ARMH3: variants seen among roughly 807,000 people sequenced by gnomAD.
The protein encoded by ARMH3 is armadillo-like helical domain-containing protein 3.
Under a neutral mutation model 99.1 loss-of-function variants are expected in ARMH3, and 60 were observed. The observed-to-expected ratio is 0.61, with a 90% CI of 0.49 to 0.75. The LOEUF (loss-of-function observed/expected upper bound fraction) is 0.75. Ranked by LOEUF, ARMH3 falls within the 30% of genes least tolerant of loss-of-function variation. The probability of loss-of-function intolerance (pLI) is 0.00; values close to 1 mark genes in which losing one functional copy is unlikely to be tolerated. For missense variants in ARMH3, 679 were observed against 843.1 expected (o/e 0.81, Z 2.41); for synonymous variants, 285 against 292.8 (o/e 0.97, Z 0.27).
chr10:102,033,361 A>G (rs750455841), intron 2 of ARMH3, 22 bp from the exon 3 acceptor site: 30 of 1,610,568 alleles, frequency 1.9e-5, no homozygotes, highest in Non-Finnish European at 2.5e-5. Flanking sequence ...ATATAAGCAC[A>G]TTCAGCCTTC....
chr10:102,010,416 CTT>C (rs2066606121), intron 11 of ARMH3, among the ~76,000 whole-genome samples: 1 of 152,214 alleles, frequency 6.6e-6, no homozygotes, highest in Non-Finnish European at 1.5e-5. Context: ...CAGAAACTAA[CTT>C]AGGAAAAACT....
At chr10:101,975,424 A>G in intron 19 of ARMH3, 124 bp from the exon 20 acceptor site, 1 of 603,742 alleles carries the variant, frequency 1.7e-6, no homozygotes, top group South Asian at 1.8e-5. Flanking sequence ...ATATGTATAC[A>G]TGCAAAAAAA....
At chr10:101,861,877 CAAAAAAAAAAA>C (rs36095929) in intron 24 of ARMH3, among the ~76,000 whole-genome samples, 1 of 93,998 alleles carries the variant, frequency 1.1e-5, no homozygotes, top group South Asian at 3.6e-4. Context: ...CTAAAAATAC[CAAAAAAAAAAA>C]AAAAAAAAAA....
chr10:102,008,019 G>A (rs532445232), intron 13 of ARMH3, among the ~76,000 whole-genome samples: 1 of 152,228 alleles, frequency 6.6e-6, no homozygotes, highest in Non-Finnish European at 1.5e-5. Flanking sequence ...ATCAGCTCTT[G>A]AGAATTAAGC....
chr10:102,020,021 G>A (rs1295740565), intron 8 of ARMH3, among the ~76,000 whole-genome samples: 1 of 149,168 alleles, frequency 6.7e-6, no homozygotes, highest in Non-Finnish European at 1.5e-5. Flanking sequence ...AGGAGTTTGA[G>A]ACCAGCCTGG....
chr10:101,957,592 G>C, intron 21 of ARMH3, 58 bp downstream of exon 21: 2 of 1,537,814 alleles, frequency 1.3e-6, no homozygotes, highest in Non-Finnish European at 1.8e-6. Flanking sequence ...TTTCAAACCA[G>C]TGCATTTCTG....
Position 102,029,930 on chromosome 10 carries a change from T to G in ARMH3, c.307-185A>C, listed in dbSNP as rs546381283. ...TGGTTCGGTTTTTTTGTTTGTTTGT[T>G]TTTTTTTTTGAGACAAGGTCTCGCT... On this transcript the variant is annotated intron_variant, in intron 4 of 25. Coordinates refer to ENST00000370033, the MANE Select transcript of ARMH3 (RefSeq NM_024541.3). 1.0e-4 allele frequency among the ~76,000 whole-genome samples: 15 copies of G among 150,066 alleles called. No homozygotes were observed. The South Asian group carries it at 1.7e-3, about 17-fold the overall frequency.
At chr10:101,902,593 C>G (rs2068007747) in intron 23 of ARMH3, among the ~76,000 whole-genome samples, 1 of 152,066 alleles carries the variant, frequency 6.6e-6, no homozygotes, top group Admixed American at 6.5e-5. Flanking sequence ...AGGTCTAGAA[C>G]AAGAGCAAAC....
intron 20 of ARMH3, among the ~76,000 whole-genome samples, chr10:101,967,507 G>A (rs1845588306): frequency 6.6e-6 from 1 of 152,156 alleles, no homozygotes; most frequent in Non-Finnish European, 1.5e-5. Context: ...GGGAGGCCAA[G>A]GTAGGTGGAT....
At chr10:102,017,072 A>G (rs1392670602) in intron 8 of ARMH3, among the ~76,000 whole-genome samples, 2 of 152,156 alleles carry the variant, frequency 1.3e-5, no homozygotes, top group Non-Finnish European at 2.9e-5. Context: ...CTTTCTGGAA[A>G]GGTTACAACT....
At chr10:101,986,712 C>A (rs1015755652) in intron 19 of ARMH3, among the ~76,000 whole-genome samples, 1 of 152,156 alleles carries the variant, frequency 6.6e-6, no homozygotes, top group African/African-American at 2.4e-5. Flanking sequence ...GCCTGGCCTG[C>A]TGCCCAGCTG....
chr10:101,952,314 A>G (rs990412768), intron 22 of ARMH3, among the ~76,000 whole-genome samples: 16 of 152,160 alleles, frequency 1.1e-4, no homozygotes, highest in Non-Finnish European at 1.8e-4. Flanking sequence ...TCAAACCATG[A>G]GTAAAACACA....
intron 22 of ARMH3, among the ~76,000 whole-genome samples, chr10:101,946,279 A>C (rs925106820): frequency 2.6e-5 from 4 of 152,116 alleles, no homozygotes; most frequent in Non-Finnish European, 5.9e-5. Flanking sequence ...GAAAAGGTAA[A>C]CATACTTGAA....
At chr10:101,928,807 T>C (rs956317328) in intron 23 of ARMH3, among the ~76,000 whole-genome samples, 6 of 152,206 alleles carry the variant, frequency 3.9e-5, no homozygotes, top group Non-Finnish European at 8.8e-5. Context: ...CTCGGCTCAC[T>C]GCAACCTCCA....
chr10:101,907,025 A>G (rs1842659172), intron 23 of ARMH3, among the ~76,000 whole-genome samples: 1 of 152,160 alleles, frequency 6.6e-6, no homozygotes, highest in Non-Finnish European at 1.5e-5. Flanking sequence ...TAAAGCCTTC[A>G]GTTTAAGATG....
intron 25 of ARMH3, among the ~76,000 whole-genome samples, 196 bp downstream of exon 25, chr10:101,849,580 A>C (rs1442027010): frequency 6.6e-6 from 1 of 152,232 alleles, no homozygotes; most frequent in African/African-American, 2.4e-5. Flanking sequence ...CATGGCTGCA[A>C]AGGAGAAGTA....
chr10:101,861,868 T>TA (rs2066879176), intron 24 of ARMH3, among the ~76,000 whole-genome samples: 1 of 80,748 alleles, frequency 1.2e-5, no homozygotes, highest in Admixed American at 1.5e-4. Context: ...CCATCCCTAC[T>TA]AAAAATACCA....
intron 18 of ARMH3, among the ~76,000 whole-genome samples, chr10:101,991,504 C>G (rs1264420139): frequency 6.6e-6 from 1 of 152,160 alleles, no homozygotes; most frequent in Admixed American, 6.5e-5. Context: ...CCTCGGCCTC[C>G]TGAGTAGCTG....
chr10:101,995,405 AT>A (rs750387853), intron 15 of ARMH3, 50 bp from the exon 16 acceptor site: 1 of 1,420,014 alleles, frequency 7.0e-7, no homozygotes, highest in South Asian at 1.2e-5. Flanking sequence ...GATTTACATC[AT>A]CTGTTTCAAT....
Sources: gnomAD v4.1 joint callset for allele counts (sites outside exome capture counted in the v4.1 genomes callset) on GRCh38, gnomAD v4.1.1 for gene constraint, MANE v1.5 for transcripts, NCBI Gene and HGNC (gene_info 2026-07-23, HGNC 2026-07-21) for gene names.